The following NRXN3 variants were observed in gnomAD, a reference collection of about 807,000 sequenced individuals.
NRXN3 encodes the protein neurexin 3.
Under a neutral mutation model 137.6 loss-of-function variants are expected in NRXN3, and 32 were observed. That is an observed-to-expected ratio of 0.23 (90% CI 0.18 to 0.31). The LOEUF (loss-of-function observed/expected upper bound fraction) is 0.31, where lower values mean the gene tolerates loss of function less well. Ranked by LOEUF, NRXN3 falls within the 10% of genes least tolerant of loss-of-function variation. NRXN3 has a pLI of 1.00. For missense variants in NRXN3, 1,574 were observed against 2,062.5 expected, an observed-to-expected ratio of 0.76 and a Z score of 4.59; for synonymous variants, 798 against 784.5, an observed-to-expected ratio of 1.02 and a Z score of -0.29.
At chr14:78,575,064 T>G (rs945371177) in intron 4 of NRXN3, among the ~76,000 whole-genome samples, 3 of 152,116 alleles carry the variant, frequency 2.0e-5, no homozygotes, top group African/African-American at 7.2e-5. Flanking sequence ...TATCTGATGG[T>G]TTTATAAGGG....
chr14:79,507,023 C>G (rs934272325), intron 16 of NRXN3, among the ~76,000 whole-genome samples: 9 of 152,080 alleles, frequency 5.9e-5, no homozygotes, highest in Admixed American at 1.3e-4. Flanking sequence ...ATTAAAGGTT[C>G]AGGGCATCAA....
At chr14:79,505,251 A>G (rs755747203) in intron 16 of NRXN3, among the ~76,000 whole-genome samples, 1 of 151,290 alleles carries the variant, frequency 6.6e-6, no homozygotes, top group Middle Eastern at 3.5e-3. Flanking sequence ...AATAGGGTAG[A>G]CCACGTGTGC....
intron 10 of NRXN3, among the ~76,000 whole-genome samples, chr14:78,828,780 C>A (rs2098973893): frequency 6.6e-6 from 1 of 152,180 alleles, no homozygotes; most frequent in Admixed American, 6.6e-5. Context: ...CTGAACAAGA[C>A]CAACATGGTT....
chr14:78,597,959 CAGG>C (rs1220394093), intron 4 of NRXN3, among the ~76,000 whole-genome samples: 3 of 152,132 alleles, frequency 2.0e-5, no homozygotes, highest in Non-Finnish European at 4.4e-5. Flanking sequence ...GGATTAAAAG[CAGG>C]AGGACTTTAA....
At chr14:79,607,733 T>C (rs2098040146) in intron 16 of NRXN3, among the ~76,000 whole-genome samples, 1 of 150,216 alleles carries the variant, frequency 6.7e-6, no homozygotes, top group African/African-American at 2.5e-5. Context: ...AGTGCAGTGG[T>C]GCAGTCTTGG....
chr14:78,790,751 G>T (rs907719345), intron 8 of NRXN3, among the ~76,000 whole-genome samples: 1 of 152,294 alleles, frequency 6.6e-6, no homozygotes, highest in African/African-American at 2.4e-5. Context: ...TGCTTACAAG[G>T]TTGACCAGGA....
intron 8 of NRXN3, among the ~76,000 whole-genome samples, chr14:78,799,307 A>G (rs980118618): frequency 2.6e-5 from 4 of 152,188 alleles, no homozygotes; most frequent in Non-Finnish European, 4.4e-5. Context: ...AAAGTTCAAC[A>G]AATCTCTAGG....
chr14:79,320,096 A>T (rs1220168464), intron 15 of NRXN3, among the ~76,000 whole-genome samples: 2 of 152,210 alleles, frequency 1.3e-5, no homozygotes, highest in African/African-American at 4.8e-5. Context: ...TTCAGATTAA[A>T]ATATAAAGTT....
intron 17 of NRXN3, among the ~76,000 whole-genome samples, chr14:79,689,201 G>C (rs1286885780): frequency 6.6e-6 from 1 of 152,000 alleles, no homozygotes; most frequent in Non-Finnish European, 1.5e-5. Context: ...GTACATACTT[G>C]TTGCTATATG....
intron 15 of NRXN3, among the ~76,000 whole-genome samples, chr14:79,411,348 G>A (rs757896153): frequency 1.3e-5 from 2 of 152,088 alleles, no homozygotes; most frequent in Admixed American, 6.6e-5. Flanking sequence ...ATCATGTGCT[G>A]TCTAAGTCCT....
chr14:78,273,060 ACC>A (rs1391308151), intron 2 of NRXN3, among the ~76,000 whole-genome samples: 4 of 152,284 alleles, frequency 2.6e-5, no homozygotes, highest in Non-Finnish European at 5.9e-5. Flanking sequence ...CCATACACAG[ACC>A]CCATCCTGTA....
intron 15 of NRXN3, among the ~76,000 whole-genome samples, chr14:79,145,079 A>G (rs2153009767): frequency 6.6e-6 from 1 of 152,240 alleles, no homozygotes; most frequent in South Asian, 2.1e-4. Context: ...TAGATGAATC[A>G]TTTAAATGGA....
At chr14:78,723,907 A>G (rs2098471418) in intron 8 of NRXN3, among the ~76,000 whole-genome samples, 1 of 152,196 alleles carries the variant, frequency 6.6e-6, no homozygotes, top group Admixed American at 6.5e-5. Flanking sequence ...AGAACATACC[A>G]AAGCATGCCT....
intron 15 of NRXN3, among the ~76,000 whole-genome samples, chr14:79,093,485 C>T (rs1474532837): frequency 6.6e-6 from 1 of 152,140 alleles, no homozygotes; most frequent in African/African-American, 2.4e-5. Context: ...GAAAAAGACA[C>T]CATTAGGATG....
chr14:78,628,022 A>G (rs2097483727), intron 4 of NRXN3, among the ~76,000 whole-genome samples: 1 of 152,068 alleles, frequency 6.6e-6, no homozygotes, highest in Admixed American at 6.5e-5. Flanking sequence ...ATCTTCTGGA[A>G]TGGGAAAAAG....
At chr14:79,241,612 A>G (rs1395020834) in intron 15 of NRXN3, among the ~76,000 whole-genome samples, 2 of 152,194 alleles carry the variant, frequency 1.3e-5, no homozygotes, top group Non-Finnish European at 1.5e-5. Context: ...GGGTATTATT[A>G]CAATTCAAGG....
intron 10 of NRXN3, among the ~76,000 whole-genome samples, chr14:78,897,474 A>G (rs2099180791): frequency 6.6e-6 from 1 of 151,948 alleles, no homozygotes; most frequent in South Asian, 2.1e-4. Flanking sequence ...TATCCCTAGA[A>G]TTGATTCAGA....
At chr14:79,230,171 A>G (rs2153275770) in intron 15 of NRXN3, among the ~76,000 whole-genome samples, 1 of 152,090 alleles carries the variant, frequency 6.6e-6, no homozygotes, top group East Asian at 1.9e-4. Context: ...GACTTGAAAT[A>G]TTTCATTTTT....
chr14:79,464,875 T>C (rs2096401566), intron 15 of NRXN3, among the ~76,000 whole-genome samples: 2 of 152,166 alleles, frequency 1.3e-5, no homozygotes, highest in South Asian at 4.1e-4. Flanking sequence ...CATACAATTG[T>C]TGCAAAGATT....
Sources: allele counts gnomAD v4.1 joint callset (sites outside exome capture counted in the v4.1 genomes callset), GRCh38; gene constraint gnomAD v4.1.1; transcripts MANE v1.5; gene names NCBI Gene and HGNC (gene_info 2026-07-23, HGNC 2026-07-21).